Variants in TNRC18 observed in about 807,000 individuals in gnomAD.
TNRC18 encodes the protein trinucleotide repeat containing 18.
TNRC18 carries 69 observed loss-of-function variants against 226.7 expected under a neutral mutation model. The ratio of observed to expected loss-of-function variants is 0.30; its 90% CI spans 0.25 to 0.37. TNRC18 has a LOEUF of 0.37. Ranked by LOEUF, TNRC18 falls within the 10% of genes least tolerant of loss-of-function variation. The pLI, the probability that TNRC18 is intolerant of heterozygous loss-of-function variation, is 1.00. For missense variants in TNRC18, 4,754 were observed against 4,256.6 expected (o/e 1.12, Z -3.25); for synonymous variants, 2,449 against 1,927.6 (o/e 1.27, Z -7.09).
intron 17 of TNRC18, among the ~76,000 whole-genome samples, chr7:5,348,405 G>A (rs1791429391): frequency 6.6e-6 from 1 of 152,156 alleles, no homozygotes; most frequent in African/African-American, 2.4e-5. Flanking sequence ...TCCAGGGCGG[G>A]GAGCAGTCTA....
chr7:5,317,087 T>A (rs1409915618), intron 24 of TNRC18, among the ~76,000 whole-genome samples: 1 of 152,166 alleles, frequency 6.6e-6, no homozygotes, highest in Non-Finnish European at 1.5e-5. Context: ...CCCAAGGATG[T>A]GAGTCTTGCA....
In TNRC18 at chr7:5,376,075, CCTG is replaced by C; in HGVS notation, c.2755_2757del (p.Gln919del). 1 of 1,597,206 alleles carries C rather than the reference CCTG, an allele frequency of 6.3e-7. No homozygotes were observed. The highest frequency in any genetic ancestry group is 8.5e-7 in the Non-Finnish European group (1 of 1,173,190). On this transcript the variant is annotated inframe_deletion, in exon 9 of 30. Coordinates refer to ENST00000430969, the MANE Select transcript of TNRC18 (RefSeq NM_001080495.3). ...CTCTGCAGTTCCAAGGCCTGGGCCG[CCTG>C]CTGCTGCAGGTACAGGAACTCCTGC... is the stretch of plus-strand genomic sequence containing the variant.
chr7:5,346,225 C>T (rs1198608269), intron 17 of TNRC18, among the ~76,000 whole-genome samples: 2 of 152,130 alleles, frequency 1.3e-5, no homozygotes, highest in African/African-American at 4.8e-5. Context: ...GAGGTGAGCA[C>T]GGAAGAGGGC....
Position 5,374,037 on chromosome 7 carries a change from G to T in TNRC18, c.3229+18C>A, listed in dbSNP as rs1583964714. The T allele has an allele frequency of 6.6e-7, 1 of 1,525,974 alleles. No individual in the cohort carries two copies. The highest frequency in any genetic ancestry group is 8.8e-7 in the Non-Finnish European group (1 of 1,142,754). 94.5% of individuals were successfully genotyped at this position (1,525,974 alleles called of 1,614,324 possible). ...CCAGGGGCAGAGTGAGACCCTGAGG[G>T]TCTCAGCTGCATCCTACCTGAGAAC... On this transcript the variant is annotated intron_variant, in intron 10 of 29. Coordinates refer to ENST00000430969, the MANE Select transcript of TNRC18 (RefSeq NM_001080495.3).
intron 2 of TNRC18, among the ~76,000 whole-genome samples, chr7:5,399,823 G>C (rs982734126): frequency 1.3e-5 from 2 of 151,996 alleles, no homozygotes; most frequent in South Asian, 2.1e-4. Context: ...TCAGGAGTTC[G>C]AGACCAGCCT....
chr7:5,361,151 G>T (rs931081709), intron 14 of TNRC18, among the ~76,000 whole-genome samples: 8 of 152,190 alleles, frequency 5.3e-5, no homozygotes, highest in African/African-American at 1.9e-4. Flanking sequence ...TTGTCCCCAA[G>T]TGCCAGAAGG....
intron 2 of TNRC18, among the ~76,000 whole-genome samples, chr7:5,401,942 G>C (rs1195028107): frequency 6.6e-6 from 1 of 151,436 alleles, no homozygotes; most frequent in Non-Finnish European, 1.5e-5. Flanking sequence ...TTGGGAGGCC[G>C]AGGCGGGCAG....
At chr7:5,310,697 G>A (rs1481082275) in intron 27 of TNRC18, among the ~76,000 whole-genome samples, 2 of 152,202 alleles carry the variant, frequency 1.3e-5, no homozygotes, top group Non-Finnish European at 2.9e-5. Flanking sequence ...ACTGCACCTG[G>A]GCAAGAGAGA....
intron 4 of TNRC18, chr7:5,390,046 T>G (rs1780172457): frequency 8.6e-6 from 2 of 232,362 alleles, no homozygotes; most frequent in Non-Finnish European, 8.2e-6. Context: ...AAGGAGCCTG[T>G]GGGGGGTCTT....
At chr7:5,341,305 C>G (rs6962843) in intron 18 of TNRC18, among the ~76,000 whole-genome samples, 47,096 of 150,230 alleles carry the variant, frequency 0.31, 7,446 homozygotes, top group Admixed American at 0.35. Context: ...TGTAGTCTCA[C>G]CTACTCGGGA....
intron 14 of TNRC18, among the ~76,000 whole-genome samples, chr7:5,361,047 C>T (rs1380966245): frequency 1.3e-5 from 2 of 152,194 alleles, no homozygotes; most frequent in African/African-American, 2.4e-5. Flanking sequence ...GTGCACGCCT[C>T]GCCCTGCGGG....
chr7:5,366,646 A>T (rs1052559258), intron 11 of TNRC18, among the ~76,000 whole-genome samples: 1 of 152,102 alleles, frequency 6.6e-6, no homozygotes, highest in African/African-American at 2.4e-5. Flanking sequence ...TCTTTAGGGA[A>T]ACTGAGGCCA....
At chr7:5,391,104 A>T (rs1780264531) in intron 3 of TNRC18, among the ~76,000 whole-genome samples, 1 of 152,040 alleles carries the variant, frequency 6.6e-6, no homozygotes, top group Admixed American at 6.6e-5. Context: ...TCAGCCTAAC[A>T]CAGGCCCTTT....
intron 9 of TNRC18, among the ~76,000 whole-genome samples, chr7:5,375,051 T>G (rs1231844254): frequency 6.6e-6 from 1 of 152,172 alleles, no homozygotes; most frequent in East Asian, 1.9e-4. Flanking sequence ...TGCTCCCGCC[T>G]GGAATCCCAG....
rs1167746227 is a variant in TNRC18 at position 5,335,301 on chromosome 7, C to CAAA, written c.5720-2255_5720-2253dup. 2.5e-3 allele frequency among the ~76,000 whole-genome samples: 146 copies of CAAA among 58,530 alleles called. 25 individuals are homozygous for CAAA. The highest frequency in any genetic ancestry group is 2.7e-3 in the Non-Finnish European group (88 of 33,178). The allele number at this position is 58,530 out of a possible 152,430, so 38.4% of individuals were successfully genotyped here. On this transcript the variant is annotated intron_variant, in intron 18 of 29. Coordinates refer to ENST00000430969, the MANE Select transcript of TNRC18 (RefSeq NM_001080495.3). ...TGGGCCACAGAGTGAGAATCTGTCT[C>CAAA]AAAAAAAAAAAAAAAAAAAAAAATT...
chr7:5,379,349 T>C (rs937717924), intron 5 of TNRC18, among the ~76,000 whole-genome samples: 3 of 151,712 alleles, frequency 2.0e-5, no homozygotes, highest in Admixed American at 1.3e-4. Context: ...CCTATTATGA[T>C]TGCACTATTG....
intron 2 of TNRC18, among the ~76,000 whole-genome samples, chr7:5,414,621 C>T (rs1244400001): frequency 6.6e-6 from 1 of 152,086 alleles, no homozygotes; most frequent in Non-Finnish European, 1.5e-5. Context: ...ACCATGTTAT[C>T]CAGGATGGTC....
In TNRC18 at chr7:5,388,187, G is replaced by A. The variant is rs748842701; in HGVS notation, c.1637C>T (p.Ser546Phe). The A allele has an allele frequency of 2.5e-6, 4 of 1,588,030 alleles. No homozygotes were observed. The highest frequency in any genetic ancestry group is 1.7e-4 in the Middle Eastern group (1 of 6,024). ...AGGGTCCAGGTAGGCCTTCTTGGAG[G>A]AGGAGGCAGCGACCACGGCGGCCTC... ...EEEAAVVAASSSKKAYLDPGA... is the reference protein window; with the variant it reads ...EEEAAVVAASFSKKAYLDPGA... The change falls in exon 5 of 30, where the codon TCC (serine) becomes TTC (phenylalanine). Residue 546 changes from serine to phenylalanine, a missense_variant. Ser to Phe is a radical substitution (Grantham distance 155, BLOSUM62 -2). Transcript: ENST00000430969.
Position 5,307,611 on chromosome 7 carries a change from T to G in TNRC18, c.*495A>C, listed in dbSNP as rs557994273. ...CCCTGGCACAGTCAGGTAGGCCAGC[T>G]GGCATCGGGCTGCCCTGTCCCATGC... On this transcript the variant is annotated 3_prime_UTR_variant, in exon 30 of 30. Coordinates refer to ENST00000430969, the MANE Select transcript of TNRC18 (RefSeq NM_001080495.3). 2.3e-6 allele frequency: 1 copy of G among 443,194 alleles called. No homozygotes were observed. The highest frequency in any genetic ancestry group is 1.6e-5 in the South Asian group (1 of 62,634). The allele number at this position is 443,194 out of a possible 1,614,324, so 27.5% of individuals were successfully genotyped here. A position where few individuals can be genotyped will look rare whatever the true frequency, so the allele number is the denominator to read the frequency against.
Sources: gnomAD v4.1 joint callset for allele counts (sites outside exome capture counted in the v4.1 genomes callset) on GRCh38, gnomAD v4.1.1 for gene constraint, MANE v1.5 for transcripts, NCBI Gene and HGNC (gene_info 2026-07-23, HGNC 2026-07-21) for gene names.